The following MORN1 variants were observed in gnomAD, a reference collection of about 807,000 sequenced individuals.
MORN1 encodes the protein MORN repeat-containing protein 1.
MORN1 carries 67 observed loss-of-function variants against 61.9 expected under a neutral mutation model. That is an observed-to-expected ratio of 1.08 (90% CI 0.89 to 1.33). The LOEUF is 1.33. MORN1 is among the 40% of genes most tolerant of loss of function. MORN1 has a pLI of 0.00. For missense variants in MORN1, 752 were observed against 691.2 expected (o/e 1.09, Z -0.99); for synonymous variants, 301 against 292.0 (o/e 1.03, Z -0.31).
At position 2,388,310 on chromosome 1, in the gene MORN1, C is replaced by T; in HGVS notation, c.176G>A (p.Gly59Asp). ...CACAAACGCCCCTTCGTAATAACTG[C>T]CATCTTTAAATAACAACTTCCCGTG... ...HGHGKLLFKD[G>D]SYYEGAFVDG... The change falls in exon 3 of 14, where the codon GGC becomes GAC. Residue 59 changes from glycine to aspartate, a missense_variant. Gly to Asp is a moderately conservative substitution (Grantham distance 94). Coordinates refer to ENST00000378531, the MANE Select transcript of MORN1 (RefSeq NM_024848.3). The T allele has an allele frequency of 6.2e-7, 1 of 1,613,998 alleles. No homozygotes were observed. Among genetic ancestry groups the T allele is most frequent in the Non-Finnish European group, 8.5e-7 (1 of 1,179,982 alleles).
chr1:2,323,032 T>G, intron 13 of MORN1: 1 of 985,452 alleles, frequency 1.0e-6, no homozygotes, highest in Non-Finnish European at 1.2e-6. Context: ...CCCCCAGGGC[T>G]GTCTCCGCCG....
chr1:2,347,442 G>C (rs1641541366), intron 10 of MORN1, among the ~76,000 whole-genome samples: 1 of 152,206 alleles, frequency 6.6e-6, no homozygotes, highest in South Asian at 2.1e-4. Context: ...GCACTGGTCA[G>C]GCACAGGCTG....
intron 10 of MORN1, among the ~76,000 whole-genome samples, chr1:2,341,893 A>G (rs1641403259): frequency 6.6e-6 from 1 of 152,176 alleles, no homozygotes; most frequent in Non-Finnish European, 1.5e-5. Flanking sequence ...AGGGAGACAC[A>G]TTCTGTGATG....
chr1:2,350,285 G>A (rs147569121), intron 10 of MORN1: 4 of 152,270 alleles, frequency 2.6e-5, no homozygotes, highest in Non-Finnish European at 4.4e-5. Flanking sequence ...TCTTCTCAAC[G>A]AAATGCAAAT....
chr1:2,352,022 T>A, intron 10 of MORN1: 1 of 542,982 alleles, frequency 1.8e-6, no homozygotes, highest in Non-Finnish European at 3.5e-6. Flanking sequence ...GAATTAGAGG[T>A]CCACCTCCCC....
intron 6 of MORN1, among the ~76,000 whole-genome samples, chr1:2,381,637 G>C (rs1200662150): frequency 6.6e-6 from 1 of 152,162 alleles, no homozygotes; most frequent in African/African-American, 2.4e-5. Context: ...TCACGCGAAG[G>C]GTTTGGCACC....
In MORN1 at chr1:2,337,166, C is replaced by A. The variant is rs539683061; in HGVS notation, c.1037-316G>T. Among the ~76,000 whole-genome samples the A allele has an allele frequency of 5.9e-5, 9 of 152,314 alleles. No homozygotes were observed. The highest frequency in any genetic ancestry group is 2.2e-4 in the African/African-American group (9 of 41,552). ...GTCTCCCATCAGCAGCCCCCGTCAG[C>A]CGAGGCACTCGCTTCCAGGGTAGGG... On this transcript the variant is annotated intron_variant, in intron 10 of 13. Coordinates refer to ENST00000378531, the MANE Select transcript of MORN1 (RefSeq NM_024848.3). The surrounding 1 kb of genome is among the most constrained non-coding windows in gnomAD (Gnocchi z 5.7).
chr1:2,383,277 G>A (rs1169854308), intron 6 of MORN1, among the ~76,000 whole-genome samples: 2 of 152,192 alleles, frequency 1.3e-5, no homozygotes, highest in East Asian at 1.9e-4. Flanking sequence ...TATGGCCAGG[G>A]CCAGTGGCCT....
chr1:2,325,136 C>CTCCCTTCCTTCCTTCCCTTCCT (rs1640984436), intron 12 of MORN1, among the ~76,000 whole-genome samples: 1 of 5,322 alleles, frequency 1.9e-4, no homozygotes, highest in African/African-American at 7.6e-4. Context: ...CCTTCCTTCC[C>CTCCCTTCCTTCCTTCCCTTCCT]TCCCTCCCTC....
chr1:2,326,966 C>T (rs574521421), intron 12 of MORN1, among the ~76,000 whole-genome samples: 11 of 152,198 alleles, frequency 7.2e-5, no homozygotes, highest in Non-Finnish European at 1.5e-4. Context: ...CACAGACGCG[C>T]GCTGTGGACA....
intron 7 of MORN1, 21 bp downstream of exon 7, chr1:2,374,440 C>T (rs778149976): frequency 2.6e-6 from 4 of 1,562,212 alleles, no homozygotes; most frequent in African/African-American, 2.7e-5. Flanking sequence ...ACAGTGCCCA[C>T]AGGAAGGCAG....
intron 8 of MORN1, among the ~76,000 whole-genome samples, chr1:2,370,828 A>C (rs1642102522): frequency 6.6e-6 from 1 of 151,966 alleles, no homozygotes; most frequent in South Asian, 2.1e-4. Context: ...ACACGCATGC[A>C]CTACCATGAC....
intron 2 of MORN1, 66 bp downstream of exon 2, chr1:2,389,859 G>C (rs760464263): frequency 6.8e-7 from 1 of 1,470,238 alleles, no homozygotes; most frequent in Non-Finnish European, 9.5e-7. Context: ...CCAACCTCCC[G>C]GGGAGAAACT....
At chr1:2,370,184 T>C (rs1462449668) in intron 8 of MORN1, among the ~76,000 whole-genome samples, 2 of 152,332 alleles carry the variant, frequency 1.3e-5, no homozygotes, top group South Asian at 4.1e-4. Context: ...GGTCCAGGCA[T>C]CAACCCTGAC....
In MORN1 at chr1:2,337,449, A is replaced by T. The variant is rs1641305187; in HGVS notation, c.1037-599T>A. Among the ~76,000 whole-genome samples, 2 of 151,786 alleles carry T rather than the reference A, an allele frequency of 1.3e-5. No individual in the cohort carries two copies. The highest frequency in any genetic ancestry group is 4.8e-5 in the African/African-American group (2 of 41,274). ...CTCAGCCTGTGCATCCCTCAGTGGG[A>T]CCCCTGCAGGCCCTTGCCCAACCTA... On this transcript the variant is annotated intron_variant, in intron 10 of 13. Transcript: ENST00000378531. This position sits in a 1 kb window ranked among gnomAD's most constrained non-coding sequence, Gnocchi z 5.7.
chr1:2,388,405 G>A, intron 2 of MORN1, 68 bp from the exon 3 acceptor site: 1 of 1,247,788 alleles, frequency 8.0e-7, no homozygotes, highest in Non-Finnish European at 1.2e-6. Context: ...ACTGTGCAGT[G>A]TTGGGCCTGT....
chr1:2,325,442 G>C (rs1641006484), intron 12 of MORN1, among the ~76,000 whole-genome samples: 1 of 151,466 alleles, frequency 6.6e-6, no homozygotes, highest in Non-Finnish European at 1.5e-5. Flanking sequence ...CTTCCAAGGA[G>C]CTGGGACCAC....
chr1:2,327,139 CAGAGACACAGAA>C lies in MORN1; in HGVS notation c.1251-3008_1251-2997del, dbSNP rs1310294958. 1.7e-4 allele frequency among the ~76,000 whole-genome samples: 13 copies of C among 75,468 alleles called. 1 individual carries two copies. Among genetic ancestry groups the C allele is most frequent in the African/African-American group, 1.1e-4 (1 of 9,470 alleles). 49.5% of individuals were successfully genotyped at this position (75,468 alleles called of 152,430 possible). On this transcript the variant is annotated intron_variant, in intron 12 of 13. Coordinates refer to ENST00000378531, the MANE Select transcript of MORN1 (RefSeq NM_024848.3). Reference sequence around the variant, plus strand: ...AAACACAGAAACAAACACAGAAACACAGAGACACAGAAACAGAAACACACAGACAGAAACAAA... The same window carrying C: ...AAACACAGAAACAAACACAGAAACACACAGAAACACACAGACAGAAACAAA...
At chr1:2,382,375 C>T (rs1206143733) in intron 6 of MORN1, among the ~76,000 whole-genome samples, 9 of 152,290 alleles carry the variant, frequency 5.9e-5, no homozygotes, top group South Asian at 2.1e-4. Context: ...ATGCCCTGCT[C>T]GGACTGGTGG....
Sources: allele counts gnomAD v4.1 joint callset (sites outside exome capture counted in the v4.1 genomes callset), GRCh38; gene constraint gnomAD v4.1.1; non-coding constraint Gnocchi (gnomAD v3.1); transcripts MANE v1.5; gene names NCBI Gene and HGNC (gene_info 2026-07-23, HGNC 2026-07-21).